ADARB2: variants seen among roughly 807,000 people sequenced by gnomAD.
The protein encoded by ADARB2 is inactive double-stranded RNA-specific editase B2.
In ADARB2, 25 loss-of-function variants were observed where a neutral mutation model predicts 62.2. That is an observed-to-expected ratio of 0.40 (90% CI 0.29 to 0.56). The LOEUF is 0.56. ADARB2 is among the 20% of genes least tolerant of loss of function. The pLI is 0.43. For missense variants in ADARB2, 1,071 were observed against 1,077.4 expected (o/e 0.99, Z 0.08); for synonymous variants, 572 against 500.8 (o/e 1.14, Z -1.90).
At chr10:1,231,789 C>T (rs1445615186) in intron 6 of ADARB2, among the ~76,000 whole-genome samples, 1 of 152,140 alleles carries the variant, frequency 6.6e-6, no homozygotes, top group Non-Finnish European at 1.5e-5. Context: ...TCCAGCCATC[C>T]CAAAGGGAAA....
intron 1 of ADARB2, among the ~76,000 whole-genome samples, chr10:1,642,599 G>A (rs949648616): frequency 1.3e-5 from 2 of 152,122 alleles, no homozygotes; most frequent in Non-Finnish European, 2.9e-5. Context: ...AGATAAAGAA[G>A]GAGCTACTAG....
intron 1 of ADARB2, among the ~76,000 whole-genome samples, 198 bp from the exon 2 acceptor site, chr10:1,379,358 A>G (rs1368671547): frequency 6.6e-6 from 1 of 151,656 alleles, no homozygotes; most frequent in East Asian, 1.9e-4. Flanking sequence ...TCAATTTAAA[A>G]CTCTACGATT....
intron 1 of ADARB2, among the ~76,000 whole-genome samples, chr10:1,396,551 G>T (rs1186148232): frequency 6.6e-6 from 1 of 152,164 alleles, no homozygotes; most frequent in African/African-American, 2.4e-5. Flanking sequence ...CAGTGTCCCT[G>T]TGACGCCTAC....
intron 1 of ADARB2, among the ~76,000 whole-genome samples, chr10:1,544,131 G>C (rs1832483299): frequency 1.3e-5 from 2 of 152,112 alleles, no homozygotes; most frequent in Admixed American, 6.5e-5. Flanking sequence ...AGACTCTCTG[G>C]GCCCTGCTCA....
intron 1 of ADARB2, among the ~76,000 whole-genome samples, chr10:1,584,966 G>A (rs1168282708): frequency 2.0e-5 from 3 of 152,188 alleles, no homozygotes; most frequent in African/African-American, 7.2e-5. Context: ...AGGTAAACAA[G>A]TGGAGTACAT....
At chr10:1,410,775 C>T (rs1236195726) in intron 1 of ADARB2, among the ~76,000 whole-genome samples, 2 of 152,162 alleles carry the variant, frequency 1.3e-5, no homozygotes, top group Non-Finnish European at 2.9e-5. Context: ...CAGGAATCGT[C>T]GGTGCAATTT....
chr10:1,271,800 C>T, intron 3 of ADARB2, among the ~76,000 whole-genome samples: 1 of 152,216 alleles, frequency 6.6e-6, no homozygotes, highest in Non-Finnish European at 1.5e-5. Flanking sequence ...GCAGCACTGC[C>T]CTTTCCTTGA....
rs551628144 is a variant in ADARB2 at position 1,351,624 on chromosome 10, CAAGTAT to C, written c.1077+11398_1077+11403del. ...CCTTGTATCTCCCCACCTTAACCCACAAGTATAAGATACCTCTACTCCCTCCTTAGT... is the reference window on the plus strand; with the variant it reads ...CCTTGTATCTCCCCACCTTAACCCACAAGATACCTCTACTCCCTCCTTAGT... On this transcript the variant is annotated intron_variant, in intron 3 of 9. Transcript: ENST00000381312. 5.3e-3 allele frequency among the ~76,000 whole-genome samples: 814 copies of C among 152,206 alleles called. 10 individuals carry two copies. Among genetic ancestry groups the C allele is most frequent in the African/African-American group, 0.018 (761 of 41,512 alleles).
intron 8 of ADARB2, among the ~76,000 whole-genome samples, chr10:1,188,704 G>A (rs1421114326): frequency 1.3e-5 from 2 of 150,256 alleles, no homozygotes; most frequent in African/African-American, 4.9e-5. Flanking sequence ...TGACATCGCT[G>A]TGACTAATAT....
At chr10:1,307,629 A>T (rs975933516) in intron 3 of ADARB2, among the ~76,000 whole-genome samples, 2 of 138,200 alleles carry the variant, frequency 1.4e-5, no homozygotes, top group Non-Finnish European at 3.1e-5. Flanking sequence ...ACACCTGCAC[A>T]CGTATGTTTA....
intron 3 of ADARB2, among the ~76,000 whole-genome samples, chr10:1,296,645 G>C (rs967777109): frequency 6.6e-6 from 1 of 152,232 alleles, no homozygotes; most frequent in East Asian, 1.9e-4. Flanking sequence ...CTTTGCCTGG[G>C]ACTCTCTGCA....
chr10:1,415,148 G>T (rs1832791500), intron 1 of ADARB2, among the ~76,000 whole-genome samples: 1 of 151,494 alleles, frequency 6.6e-6, no homozygotes, highest in African/African-American at 2.4e-5. Context: ...GTGGATGTAT[G>T]GTGGATGGAT....
chr10:1,446,372 A>G (rs1041669689), intron 1 of ADARB2, among the ~76,000 whole-genome samples: 8 of 152,250 alleles, frequency 5.3e-5, no homozygotes, highest in African/African-American at 1.9e-4. Flanking sequence ...CTTTCTGGAC[A>G]TTTGTACAAA....
At chr10:1,338,704 TC>T (rs1831995928) in intron 3 of ADARB2, among the ~76,000 whole-genome samples, 1 of 152,262 alleles carries the variant, frequency 6.6e-6, no homozygotes, top group Non-Finnish European at 1.5e-5. Context: ...CAGCCTTAGG[TC>T]ACCCCCCGAC....
chr10:1,268,964 T>A (rs537315147), intron 4 of ADARB2, among the ~76,000 whole-genome samples: 268 of 152,336 alleles, frequency 1.8e-3, no homozygotes, highest in Non-Finnish European at 3.2e-3. Context: ...CAGATTTGTT[T>A]CCCAGAAAGA....
At chr10:1,288,591 G>A (rs1282265054) in intron 3 of ADARB2, among the ~76,000 whole-genome samples, 2 of 152,214 alleles carry the variant, frequency 1.3e-5, no homozygotes, top group Non-Finnish European at 1.5e-5. Flanking sequence ...CCTCTGAGAC[G>A]CTGAGGAGAG....
chr10:1,501,278 T>G (rs1277981433), intron 1 of ADARB2, among the ~76,000 whole-genome samples: 4 of 152,132 alleles, frequency 2.6e-5, no homozygotes, highest in Non-Finnish European at 4.4e-5. Flanking sequence ...GGGAAACAGT[T>G]TTGAGTCTCC....
At chr10:1,720,833 G>A (rs1160989408) in intron 1 of ADARB2, among the ~76,000 whole-genome samples, 2 of 152,158 alleles carry the variant, frequency 1.3e-5, no homozygotes, top group African/African-American at 4.8e-5. Flanking sequence ...AAGAGGAGCT[G>A]GTATAAAAGA....
chr10:1,340,736 CA>C (rs1257903603), intron 3 of ADARB2, among the ~76,000 whole-genome samples: 1 of 145,196 alleles, frequency 6.9e-6, no homozygotes, highest in African/African-American at 2.7e-5. Flanking sequence ...CGGCAATAAC[CA>C]GCATCCACCA....
Sources: gnomAD v4.1 joint callset for allele counts (sites outside exome capture counted in the v4.1 genomes callset) on GRCh38, gnomAD v4.1.1 for gene constraint, MANE v1.5 for transcripts, NCBI Gene and HGNC (gene_info 2026-07-23, HGNC 2026-07-21) for gene names.